ACYP2: variants seen among roughly 807,000 people sequenced by gnomAD.
ACYP2 encodes the protein acylphosphatase 2.
In ACYP2, 12 loss-of-function variants were observed where a neutral mutation model predicts 11.2. The observed-to-expected ratio is 1.08, with a 90% CI of 0.69 to 1.74. The LOEUF (loss-of-function observed/expected upper bound fraction) is 1.74. Ranked by LOEUF, ACYP2 falls within the 40% of genes most tolerant of loss-of-function variation. The pLI, the probability that ACYP2 is intolerant of heterozygous loss-of-function variation, is 0.00. For synonymous variants in ACYP2, 43 were observed against 32.2 expected (o/e 1.33, Z -1.13); for missense variants, 134 against 101.9 (o/e 1.31, Z -1.35).
intron 6 of ACYP2, among the ~76,000 whole-genome samples, chr2:54,248,964 G>A (rs192471220): frequency 1.6e-3 from 246 of 152,214 alleles, no homozygotes; most frequent in African/African-American, 5.6e-3. Context: ...AACATCATGA[G>A]CAAAGGCACA....
At chr2:54,165,535 TCACACACACACACACA>T (rs1163844895) in intron 6 of ACYP2, among the ~76,000 whole-genome samples, 1 of 128,852 alleles carries the variant, frequency 7.8e-6, no homozygotes, top group Non-Finnish European at 1.6e-5. Context: ...TCTCTCTCTC[TCACACACACACACACA>T]CACACACACA....
intron 6 of ACYP2, among the ~76,000 whole-genome samples, chr2:54,251,635 A>G (rs1687231006): frequency 2.0e-5 from 3 of 152,166 alleles, no homozygotes; most frequent in Admixed American, 1.3e-4. Context: ...ATGTTTCTGC[A>G]TATCTTGTGA....
At chr2:54,185,492 C>G (rs545619657) in intron 6 of ACYP2, among the ~76,000 whole-genome samples, 1 of 152,060 alleles carries the variant, frequency 6.6e-6, no homozygotes, top group Non-Finnish European at 1.5e-5. Flanking sequence ...GTTTAAGCCT[C>G]TTGGAATTGA....
intron 4 of ACYP2, among the ~76,000 whole-genome samples, chr2:54,096,133 G>A (rs1213310684): frequency 4.3e-5 from 6 of 140,904 alleles, no homozygotes; most frequent in African/African-American, 1.3e-4. Flanking sequence ...GCTGCTGGGC[G>A]GAGGGGCTCC....
At chr2:54,053,892 T>G (rs991691289) in intron 3 of ACYP2, among the ~76,000 whole-genome samples, 1 of 152,276 alleles carries the variant, frequency 6.6e-6, no homozygotes, top group Non-Finnish European at 1.5e-5. Context: ...TAAAGTTTAC[T>G]CTCACTGGGA....
intron 6 of ACYP2, among the ~76,000 whole-genome samples, chr2:54,220,585 C>T (rs1685759217): frequency 6.6e-6 from 1 of 152,052 alleles, no homozygotes; most frequent in Admixed American, 6.6e-5. Flanking sequence ...AGATTTTTAT[C>T]TTCTATTTTA....
At position 54,271,714 on chromosome 2, in the gene ACYP2, G is replaced by GT. The variant is rs59486051; in HGVS notation, c.405-32968dup. 3.0e-3 allele frequency among the ~76,000 whole-genome samples: 456 copies of GT among 152,074 alleles called. 4 individuals are homozygous for GT. The highest frequency in any genetic ancestry group is 5.7e-3 in the Non-Finnish European group (385 of 67,996). On this transcript the variant is annotated intron_variant, in intron 6 of 6. Transcript: ENST00000607452. ...GCAATACCAGGACCTCAGTAAAGTG[G>GT]TTTTTTCTGTGTCCCCTCCACCCTT...
intron 6 of ACYP2, among the ~76,000 whole-genome samples, chr2:54,165,129 G>C (rs1488569112): frequency 6.6e-6 from 1 of 151,930 alleles, no homozygotes; most frequent in Non-Finnish European, 1.5e-5. Flanking sequence ...CATTTGGGTT[G>C]GTTCCATGTC....
At chr2:54,269,261 C>G (rs1264677690) in intron 6 of ACYP2, among the ~76,000 whole-genome samples, 1 of 152,110 alleles carries the variant, frequency 6.6e-6, no homozygotes, top group Non-Finnish European at 1.5e-5. Flanking sequence ...GCTGTTAACT[C>G]TTAATCTAAA....
At chr2:54,137,287 A>T (rs1681304333) in intron 5 of ACYP2, among the ~76,000 whole-genome samples, 1 of 152,034 alleles carries the variant, frequency 6.6e-6, no homozygotes, top group Non-Finnish European at 1.5e-5. Context: ...TTTTAAAAAA[A>T]AATTATTTTA....
intron 6 of ACYP2, among the ~76,000 whole-genome samples, chr2:54,250,884 G>A (rs1376734136): frequency 1.3e-5 from 2 of 152,144 alleles, no homozygotes; most frequent in Non-Finnish European, 2.9e-5. Context: ...GTTTGAAATT[G>A]TTTTTATCTC....
intron 6 of ACYP2, among the ~76,000 whole-genome samples, chr2:54,199,596 T>C (rs891842451): frequency 7.8e-4 from 118 of 152,198 alleles, no homozygotes; most frequent in African/African-American, 2.5e-3. Flanking sequence ...CCAAGACTTG[T>C]TGTGGATTGG....
At chr2:54,058,966 C>G (rs1020382593) in intron 4 of ACYP2, among the ~76,000 whole-genome samples, 1 of 152,024 alleles carries the variant, frequency 6.6e-6, no homozygotes, top group African/African-American at 2.4e-5. Flanking sequence ...GCTAGCATGT[C>G]TCTGGTCACG....
chr2:54,040,408 AG>A (rs1675161686), intron 2 of ACYP2, among the ~76,000 whole-genome samples: 1 of 152,118 alleles, frequency 6.6e-6, no homozygotes, highest in South Asian at 2.1e-4. Flanking sequence ...TCTGGGGTAT[AG>A]GGGAGACATG....
At chr2:54,200,739 A>C (rs540061636) in intron 6 of ACYP2, among the ~76,000 whole-genome samples, 1 of 152,300 alleles carries the variant, frequency 6.6e-6, no homozygotes, top group South Asian at 2.1e-4. Flanking sequence ...TTTTGTGTGT[A>C]CATATGTTAT....
chr2:54,017,024 C>T lies in ACYP2; in HGVS notation c.63-33934C>T, dbSNP rs1214771090. Among the ~76,000 whole-genome samples, 4 of 152,064 alleles carry T rather than the reference C, an allele frequency of 2.6e-5. No homozygotes were observed. In the East Asian group the frequency reaches 7.7e-4, roughly 29 times the overall value. On this transcript the variant is annotated intron_variant, in intron 2 of 6. Coordinates refer to ENST00000607452, the MANE Select transcript of ACYP2 (RefSeq NM_001320586.2). ...ACAGGCGTGAGCCTCCGCGCCCGGC[C>T]CTTCAGTGTCTTTTGAGGACCTTCT...
intron 6 of ACYP2, among the ~76,000 whole-genome samples, chr2:54,176,099 G>A (rs1239392547): frequency 6.6e-6 from 1 of 152,136 alleles, no homozygotes; most frequent in African/African-American, 2.4e-5. Flanking sequence ...TGAGCAATAT[G>A]TTTCTGTTGT....
At chr2:54,151,717 A>T (rs1217097161) in intron 6 of ACYP2, among the ~76,000 whole-genome samples, 1 of 152,238 alleles carries the variant, frequency 6.6e-6, no homozygotes, top group Non-Finnish European at 1.5e-5. Flanking sequence ...TTTAGAACAT[A>T]ACCGATCTAT....
intron 6 of ACYP2, among the ~76,000 whole-genome samples, chr2:54,189,949 G>A (rs1026038978): frequency 6.6e-6 from 1 of 152,130 alleles, no homozygotes; most frequent in Non-Finnish European, 1.5e-5. Flanking sequence ...TTTCCCCAAT[G>A]ATTAGTGATA....
Sources: allele counts gnomAD v4.1 joint callset (sites outside exome capture counted in the v4.1 genomes callset), GRCh38; gene constraint gnomAD v4.1.1; transcripts MANE v1.5; gene names NCBI Gene and HGNC (gene_info 2026-07-23, HGNC 2026-07-21).